ADGRA2: variants seen among roughly 807,000 people sequenced by gnomAD.
ADGRA2 encodes the protein adhesion G protein-coupled receptor A2.
Under a neutral mutation model 98.7 loss-of-function variants are expected in ADGRA2, and 61 were observed. That is an observed-to-expected ratio of 0.62 (90% CI 0.50 to 0.76). The LOEUF is 0.76. ADGRA2 is among the 30% of genes least tolerant of loss of function. The pLI, the probability that ADGRA2 is intolerant of heterozygous loss-of-function variation, is 0.00. For missense variants in ADGRA2, 1,712 were observed against 1,860.0 expected (o/e 0.92, Z 1.46); for synonymous variants, 858 against 831.5 (o/e 1.03, Z -0.55).
intron 12 of ADGRA2, 25 bp from the exon 13 acceptor site, chr8:37,835,529 C>T (rs1805584375): frequency 6.5e-7 from 1 of 1,549,180 alleles, no homozygotes. Context: ...CCTGGTGTCT[C>T]TGAGGAGCTC....
At position 37,843,646 on chromosome 8, in the gene ADGRA2, A is replaced by G. The variant is rs1393123035; in HGVS notation, c.*1291A>G. 1 of 152,226 alleles carries G rather than the reference A, an allele frequency of 6.6e-6. No homozygotes were observed. Among genetic ancestry groups the G allele is most frequent in the African/African-American group, 2.4e-5 (1 of 41,358 alleles). The allele number at this position is 152,226 out of a possible 1,614,324, so 9.4% of individuals were successfully genotyped here. A position where few individuals can be genotyped will look rare whatever the true frequency, so the allele number is the denominator to read the frequency against. ...GTCTTCACATCACTCTGGCCTCATC[A>G]CCAAGGTGACAGAGGACACAGGGGA... On this transcript the variant is annotated 3_prime_UTR_variant, in exon 19 of 19. Transcript: ENST00000412232.
intron 17 of ADGRA2, 140 bp downstream of exon 17, chr8:37,840,406 T>C: frequency 2.3e-6 from 2 of 879,876 alleles, no homozygotes; most frequent in South Asian, 1.5e-5. Flanking sequence ...GGCCCTAGAC[T>C]CAGCAGGTCA....
At chr8:37,821,352 C>G (rs1470785233) in intron 2 of ADGRA2, among the ~76,000 whole-genome samples, 2 of 152,218 alleles carry the variant, frequency 1.3e-5, no homozygotes, top group East Asian at 3.9e-4. Flanking sequence ...CAGTTCCCTT[C>G]CCCTCTGAAG....
chr8:37,838,337 C>T (rs1050186873), intron 14 of ADGRA2, among the ~76,000 whole-genome samples: 3 of 151,538 alleles, frequency 2.0e-5, no homozygotes, highest in African/African-American at 2.4e-5. Flanking sequence ...CTGCAACCTC[C>T]GCCTCCTAGG....
At chr8:37,832,863 G>A (rs1805494115) in intron 8 of ADGRA2, 147 bp from the exon 9 acceptor site, 3 of 667,750 alleles carry the variant, frequency 4.5e-6, no homozygotes, top group African/African-American at 3.6e-5. Context: ...AGTGGAACTT[G>A]GGAACCCCTG....
intron 8 of ADGRA2, 116 bp from the exon 9 acceptor site, chr8:37,832,894 C>T (rs1413349946): frequency 1.3e-6 from 1 of 768,228 alleles, no homozygotes; most frequent in African/African-American, 1.7e-5. Context: ...CTGAACCCCG[C>T]TCCTGGATCC....
rs3050620 is a variant in ADGRA2 at position 37,816,927 on chromosome 8, A to AACACACACACACAC, written c.338+1996_338+2009dup. ...CAAGACTGTCTCAAAAAGAAAGCAAAACACACACACACACACACACACACA... is the reference window on the plus strand; with the variant it reads ...CAAGACTGTCTCAAAAAGAAAGCAAAACACACACACACACACACACACACACACACACACACACA... On this transcript the variant is annotated intron_variant, in intron 2 of 18. Transcript: ENST00000412232. Among the ~76,000 whole-genome samples the AACACACACACACAC allele has an allele frequency of 6.7e-4, 88 of 131,988 alleles. 1 individual carries two copies. The highest frequency in any genetic ancestry group is 2.0e-3 in the African/African-American group (69 of 35,228). 86.6% of individuals were successfully genotyped at this position (131,988 alleles called of 152,430 possible).
intron 2 of ADGRA2, among the ~76,000 whole-genome samples, chr8:37,821,459 T>C (rs1805121705): frequency 6.6e-6 from 1 of 152,218 alleles, no homozygotes; most frequent in African/African-American, 2.4e-5. Flanking sequence ...AGCTGAAATA[T>C]ACATGCTCCA....
intron 2 of ADGRA2, among the ~76,000 whole-genome samples, chr8:37,820,922 T>TG (rs1257550561): frequency 9.6e-6 from 1 of 103,742 alleles, no homozygotes; most frequent in Non-Finnish European, 2.0e-5. Context: ...CCAGAGAGGT[T>TG]GGGGGTAGGG....
chr8:37,806,446 C>T (rs1585967019), intron 1 of ADGRA2, among the ~76,000 whole-genome samples: 3 of 152,162 alleles, frequency 2.0e-5, no homozygotes, highest in Non-Finnish European at 1.5e-5. Flanking sequence ...CTCTCTGGCA[C>T]CACCTCGGGT....
rs868115781 is a variant in ADGRA2, at chr8:37,797,606, G to A, written c.266+72G>A. The A allele has an allele frequency of 2.6e-5, 32 of 1,241,952 alleles. 1 individual carries two copies. The highest frequency in any genetic ancestry group is 4.5e-4 in the Middle Eastern group (2 of 4,408). 76.9% of individuals were successfully genotyped at this position (1,241,952 alleles called of 1,614,324 possible). On this transcript the variant is annotated intron_variant, in intron 1 of 18. Coordinates refer to ENST00000412232, the MANE Select transcript of ADGRA2 (RefSeq NM_032777.10). This position sits in a 1 kb window ranked among gnomAD's most constrained non-coding sequence, Gnocchi z 5.3. ...GAAGGGAGGCGAGACGGGAGGGGTG[G>A]GAGCAGGGGGAAGGGGGCTATCCCC...
Position 37,822,384 on chromosome 8 carries a change from TACACACACACAC to T in ADGRA2, c.339-6490_339-6479del, listed in dbSNP as rs147834043. 2.2e-4 allele frequency among the ~76,000 whole-genome samples: 32 copies of T among 147,206 alleles called. No homozygotes were observed. The East Asian group carries it at 4.7e-3, about 22-fold the overall frequency. Reference sequence around the variant, plus strand: ...CGGCCCCACCCTGCCTGTATGTGGGTACACACACACACACACACACACACAGTCACATGCTCT... The same window carrying T: ...CGGCCCCACCCTGCCTGTATGTGGGTACACACACACACAGTCACATGCTCT... On this transcript the variant is annotated intron_variant, in intron 2 of 18. Transcript: ENST00000412232.
chr8:37,829,614 G>A (rs1046112970), intron 5 of ADGRA2, 55 bp downstream of exon 5: 3 of 1,290,598 alleles, frequency 2.3e-6, no homozygotes, highest in Non-Finnish European at 2.3e-6. Context: ...TCTCTGCCCA[G>A]GAGAGATGTA....
chr8:37,835,065 G>C, intron 11 of ADGRA2, 109 bp from the exon 12 acceptor site: 1 of 719,196 alleles, frequency 1.4e-6, no homozygotes, highest in Non-Finnish European at 2.4e-6. Context: ...AAAAAACTGA[G>C]GATTGAAGGG....
In ADGRA2 at chr8:37,833,057, A is replaced by G; in HGVS notation, c.1145A>G (p.Gln382Arg). The G allele has an allele frequency of 6.2e-7, 1 of 1,613,520 alleles. No homozygotes were observed. Among genetic ancestry groups the G allele is most frequent in the Middle Eastern group, 1.7e-4 (1 of 5,996 alleles). The change falls in exon 9 of 19, where the codon CAG becomes CGG. Residue 382 changes from glutamine to arginine, a missense_variant. Gln to Arg is a conservative substitution (Grantham distance 43, BLOSUM62 1). Coordinates refer to ENST00000412232, the MANE Select transcript of ADGRA2 (RefSeq NM_032777.10). ...ATCACAGCCTACCAGTCCTGCCTGC[A>G]GTATCCCTTCACCTCAGTGCCCCTG... ...AGITAYQSCLQYPFTSVPLGG... is the reference protein window; with the variant it reads ...AGITAYQSCLRYPFTSVPLGG...
chr8:37,808,061 T>C (rs1178782097), intron 1 of ADGRA2, among the ~76,000 whole-genome samples: 2 of 152,090 alleles, frequency 1.3e-5, no homozygotes, highest in African/African-American at 4.8e-5. Context: ...GCCTCATTAG[T>C]GGGAACTCTG....
Position 37,833,875 on chromosome 8 carries a change from C to A in ADGRA2, c.1446+38C>A, listed in dbSNP as rs750430237. 1.1e-5 allele frequency: 18 copies of A among 1,610,448 alleles called. No homozygotes were observed. The East Asian group carries it at 3.6e-4, about 32-fold the overall frequency. On this transcript the variant is annotated intron_variant, in intron 10 of 18. Transcript: ENST00000412232. Reference sequence around the variant, plus strand: ...TGGAACTCAGGAGCTCGGAAAACGCCCCCATCCCTCATTTGCTCAAGCCTC... The same window carrying A: ...TGGAACTCAGGAGCTCGGAAAACGCACCCATCCCTCATTTGCTCAAGCCTC...
intron 13 of ADGRA2, among the ~76,000 whole-genome samples, chr8:37,836,072 CACACACACACACACACACACA>C (rs1805604905): frequency 6.6e-6 from 1 of 151,030 alleles, no homozygotes; most frequent in Non-Finnish European, 1.5e-5. Context: ...CACACACACA[CACACACACACACACACACACA>C]CACACCCCAC....
rs868201111 is a variant in ADGRA2 at position 37,827,979 on chromosome 8, A to T, written c.339-909A>T. 2.9e-3 allele frequency among the ~76,000 whole-genome samples: 429 copies of T among 150,430 alleles called. 1 individual carries two copies. Among genetic ancestry groups the T allele is most frequent in the African/African-American group, 8.4e-3 (345 of 41,040 alleles). On this transcript the variant is annotated intron_variant, in intron 2 of 18. Transcript: ENST00000412232. ...TGGGACCCTGTCTCTACCAAAAAAA[A>T]TTTTTTTTTTTAAATTAGCGGGTGT...
Sources: allele counts gnomAD v4.1 joint callset (sites outside exome capture counted in the v4.1 genomes callset), GRCh38; gene constraint gnomAD v4.1.1; non-coding constraint Gnocchi (gnomAD v3.1); transcripts MANE v1.5; gene names NCBI Gene and HGNC (gene_info 2026-07-23, HGNC 2026-07-21).